The following ESR2 variants were observed in gnomAD, a reference collection of about 807,000 sequenced individuals.
ESR2 encodes the protein estrogen receptor beta.
A neutral mutation model predicts 49.6 loss-of-function variants in ESR2; 36 were observed. The observed-to-expected ratio is 0.73, with a 90% confidence interval of 0.56 to 0.96. ESR2 has a LOEUF of 0.96. Ranked by LOEUF, ESR2 falls within the 40% of genes least tolerant of loss-of-function variation. The pLI, the probability that ESR2 is intolerant of heterozygous loss-of-function variation, is 0.00. For synonymous variants in ESR2, 320 were observed against 266.1 expected (o/e 1.20, Z -1.97); for missense variants, 714 against 693.0 (o/e 1.03, Z -0.34).
intron 7 of ESR2, among the ~76,000 whole-genome samples, chr14:64,248,693 A>T (rs2075920562): frequency 6.6e-6 from 1 of 152,148 alleles, no homozygotes; most frequent in African/African-American, 2.4e-5. Flanking sequence ...AACCATCTGC[A>T]TATCCTAGAC....
At chr14:64,302,995 T>G (rs2077045047) in intron 1 of ESR2, among the ~76,000 whole-genome samples, 1 of 152,170 alleles carries the variant, frequency 6.6e-6, no homozygotes, top group Non-Finnish European at 1.5e-5. Context: ...AAATGGGGTT[T>G]CACTATGTTG....
chr14:64,320,883 G>A (rs1223319636), intron 1 of ESR2, among the ~76,000 whole-genome samples: 1 of 151,892 alleles, frequency 6.6e-6, no homozygotes, highest in Non-Finnish European at 1.5e-5. Context: ...TAACAAGAGC[G>A]AAACTCCGCC....
chr14:64,332,972 G>A (rs942851474), intron 1 of ESR2, among the ~76,000 whole-genome samples: 9 of 149,496 alleles, frequency 6.0e-5, no homozygotes, highest in African/African-American at 2.2e-4. Context: ...TGCCTCCTGG[G>A]TTCACGCCAT....
At chr14:64,305,167 T>TGTA (rs2077074056) in intron 1 of ESR2, among the ~76,000 whole-genome samples, 1 of 150,488 alleles carries the variant, frequency 6.6e-6, no homozygotes, top group Non-Finnish European at 1.5e-5. Flanking sequence ...GGCGGGCGCC[T>TGTA]GTAGTCCCAG....
chr14:64,326,648 C>T (rs918964841), intron 1 of ESR2, among the ~76,000 whole-genome samples: 13 of 152,132 alleles, frequency 8.5e-5, no homozygotes, highest in African/African-American at 3.1e-4. Flanking sequence ...ACATGACTGC[C>T]TTTATACCCT....
chr14:64,270,660 C>T (rs1250425214), intron 3 of ESR2, among the ~76,000 whole-genome samples: 6 of 152,242 alleles, frequency 3.9e-5, no homozygotes, highest in Middle Eastern at 3.4e-3. Flanking sequence ...CAGGCACCCA[C>T]CACCACGCCC....
intron 7 of ESR2, among the ~76,000 whole-genome samples, chr14:64,242,428 AAAACAAAC>A (rs1179149299): frequency 9.6e-6 from 1 of 104,128 alleles, no homozygotes; most frequent in Non-Finnish European, 1.8e-5. Flanking sequence ...CAAAAAAAAC[AAAACAAAC>A]AAACAAACAA....
At position 64,260,619 on chromosome 14, in the gene ESR2, T is replaced by A. The variant is rs907876229; in HGVS notation, c.782A>T (p.Asp261Val). The A allele has an allele frequency of 6.2e-7, 1 of 1,610,786 alleles. No homozygotes were observed. Among genetic ancestry groups the A allele is most frequent in the East Asian group, 2.2e-5 (1 of 44,746 alleles). Residue 261 changes from aspartate to valine, a missense_variant, in exon 5 of 9, where the codon GAC becomes GTC. Coordinates refer to ENST00000341099, the MANE Select transcript of ESR2 (RefSeq NM_001437.3). ...CACTAGCTGCTCGGGGCTCAGGGCG[T>A]CCAGCAGCAGCTCCCGCACTCGGGG... Reference protein sequence around the residue: ...HAPRVRELLLDALSPEQLVLT... With the variant: ...HAPRVRELLLVALSPEQLVLT...
chr14:64,260,323 C>T, intron 5 of ESR2, 126 bp downstream of exon 5: 1 of 962,416 alleles, frequency 1.0e-6, no homozygotes. Flanking sequence ...AGTTACAAAT[C>T]CAGCTGAGGA....
rs1216320077 is a variant in ESR2 at position 64,248,511 on chromosome 14, AAAAAAAAAAAAG to A, written c.1225+1023_1225+1034del. ...GCAGAGCAAGATCCTGTCTCAAAAA[AAAAAAAAAAAAG>A]AAAAAAAAAAAGAAAGAAAGGAATG... On this transcript the variant is annotated intron_variant, in intron 7 of 8. Transcript: ENST00000341099. Among the ~76,000 whole-genome samples the A allele has an allele frequency of 4.6e-5, 7 of 150,846 alleles. 1 individual carries two copies. The South Asian group carries it at 6.3e-4, about 14-fold the overall frequency.
intron 7 of ESR2, among the ~76,000 whole-genome samples, chr14:64,237,725 A>G (rs1484165695): frequency 2.0e-5 from 3 of 152,266 alleles, no homozygotes; most frequent in Admixed American, 6.5e-5. Context: ...TGAGGTACTG[A>G]TACAGATGAA....
intron 1 of ESR2, among the ~76,000 whole-genome samples, chr14:64,328,474 A>G (rs564193611): frequency 6.6e-6 from 1 of 152,284 alleles, no homozygotes; most frequent in East Asian, 1.9e-4. Flanking sequence ...CAATAGTCCC[A>G]AGAGGGTGTC....
upstream of ESR2, chr14:64,294,410 G>C (rs1157384774): frequency 1.3e-5 from 2 of 152,396 alleles, no homozygotes; most frequent in Non-Finnish European, 2.9e-5. Context: ...TAAAGACCGA[G>C]AGGAGGGTAG....
At chr14:64,245,668 G>A (rs1357125015) in intron 7 of ESR2, among the ~76,000 whole-genome samples, 1 of 152,090 alleles carries the variant, frequency 6.6e-6, no homozygotes, top group Non-Finnish European at 1.5e-5. Context: ...GCAGGGGAAT[G>A]CTGTAGCCTT....
intron 1 of ESR2, chr14:64,303,789 C>T (rs1231673263): frequency 6.6e-6 from 1 of 152,120 alleles, no homozygotes; most frequent in Non-Finnish European, 1.5e-5. Flanking sequence ...ATTTCATTCA[C>T]TCAGCATTTA....
chr14:64,334,697 G>A (rs548740164), intron 1 of ESR2, among the ~76,000 whole-genome samples: 4 of 152,262 alleles, frequency 2.6e-5, no homozygotes, highest in South Asian at 4.2e-4. Context: ...CCCAGACTAC[G>A]GTGCAATGGT....
At chr14:64,321,634 C>T (rs112291146) in intron 1 of ESR2, among the ~76,000 whole-genome samples, 5 of 152,160 alleles carry the variant, frequency 3.3e-5, no homozygotes, top group African/African-American at 1.2e-4. Context: ...GCACAATCTT[C>T]TGCACCTAAG....
intron 7 of ESR2, among the ~76,000 whole-genome samples, chr14:64,240,131 A>C (rs1215677207): frequency 6.6e-6 from 1 of 152,210 alleles, no homozygotes; most frequent in Non-Finnish European, 1.5e-5. Context: ...TTAAAACATG[A>C]CTACTGACAA....
rs58123995 is a variant in ESR2 at position 64,273,940 on chromosome 14, C to CTTTT, written c.536-5033_536-5030dup. Among the ~76,000 whole-genome samples the CTTTT allele has an allele frequency of 8.9e-5, 12 of 134,654 alleles. 2 individuals are homozygous for CTTTT. The highest frequency in any genetic ancestry group is 2.2e-4 in the East Asian group (1 of 4,606). The allele number at this position is 134,654 out of a possible 152,430, so 88.3% of individuals were successfully genotyped here. A position where few individuals can be genotyped will look rare whatever the true frequency, so the allele number is the denominator to read the frequency against. ...GTCCTGGCTTTTCTTTGCTGAGAGA[C>CTTTT]TTTTTTTTTTTTTTTTTGAGACCTG... On this transcript the variant is annotated intron_variant, in intron 3 of 8. Coordinates refer to ENST00000341099, the MANE Select transcript of ESR2 (RefSeq NM_001437.3).
Sources: allele counts gnomAD v4.1 joint callset (sites outside exome capture counted in the v4.1 genomes callset), GRCh38; gene constraint gnomAD v4.1.1; transcripts MANE v1.5; gene names NCBI Gene and HGNC (gene_info 2026-07-23, HGNC 2026-07-21).